Variants in TENT2 observed in about 807,000 individuals in gnomAD.
TENT2 encodes the protein poly(A) RNA polymerase GLD2.
A neutral mutation model predicts 72.2 loss-of-function variants in TENT2; 44 were observed. That is an observed-to-expected ratio of 0.61 (90% CI 0.48 to 0.78). The LOEUF (loss-of-function observed/expected upper bound fraction) is 0.78. Ranked by LOEUF, TENT2 falls within the 30% of genes least tolerant of loss-of-function variation. The pLI, the probability that TENT2 is intolerant of heterozygous loss-of-function variation, is 0.00. For missense variants in TENT2, 541 were observed against 569.6 expected, an observed-to-expected ratio of 0.95 and a Z score of 0.51; for synonymous variants, 212 against 192.5, an observed-to-expected ratio of 1.10 and a Z score of -0.84.
intron 12 of TENT2, among the ~76,000 whole-genome samples, chr5:79,673,894 A>G (rs556144365): frequency 6.6e-6 from 1 of 152,284 alleles, no homozygotes; most frequent in East Asian, 1.9e-4. Context: ...ATATAGATGG[A>G]AAAGAGAAAA....
At chr5:79,653,283 G>A (rs1164786670) in intron 10 of TENT2, among the ~76,000 whole-genome samples, 1 of 152,054 alleles carries the variant, frequency 6.6e-6, no homozygotes, top group South Asian at 2.1e-4. Flanking sequence ...CCAGGAGTTT[G>A]AGACCAGCCT....
intron 11 of TENT2, among the ~76,000 whole-genome samples, chr5:79,662,573 G>A (rs992893237): frequency 1.3e-5 from 2 of 152,110 alleles, no homozygotes; most frequent in African/African-American, 4.8e-5. Context: ...TAATCTCTTT[G>A]TACATCTCCA....
At chr5:79,657,114 T>C in intron 11 of TENT2, 113 bp downstream of exon 11, 1 of 640,740 alleles carries the variant, frequency 1.6e-6, no homozygotes. Context: ...CATGATAACA[T>C]TTTCTATATA....
intron 7 of TENT2, among the ~76,000 whole-genome samples, chr5:79,643,461 G>A (rs1056668782): frequency 1.3e-5 from 2 of 152,110 alleles, no homozygotes; most frequent in Admixed American, 1.3e-4. Flanking sequence ...CACATGTTAA[G>A]CCATCTCAAA....
chr5:79,680,990 T>G (rs553887319), intron 13 of TENT2, among the ~76,000 whole-genome samples: 16 of 152,010 alleles, frequency 1.1e-4, no homozygotes, highest in Non-Finnish European at 4.4e-5. Context: ...GAAAGGTGAG[T>G]GGGATGGTGG....
intron 10 of TENT2, among the ~76,000 whole-genome samples, chr5:79,652,080 T>G (rs980541276): frequency 5.9e-5 from 9 of 152,242 alleles, no homozygotes; most frequent in Admixed American, 5.9e-4. Flanking sequence ...GTTGTATATT[T>G]GTGTTCATGT....
At chr5:79,645,259 G>A in intron 8 of TENT2, 67 bp downstream of exon 8, 2 of 1,202,342 alleles carry the variant, frequency 1.7e-6, no homozygotes, top group Non-Finnish European at 1.2e-6. Flanking sequence ...ATCTGATAAA[G>A]ATAATTAAGA....
chr5:79,642,924 G>T lies in TENT2; in HGVS notation c.751+14G>T. The T allele has an allele frequency of 6.2e-7, 1 of 1,606,106 alleles. No homozygotes were observed. On this transcript the variant is annotated intron_variant, in intron 7 of 14. Coordinates refer to ENST00000453514, the MANE Select transcript of TENT2 (RefSeq NM_001114394.3). The stretch of plus-strand genomic sequence containing the variant: ...GTACTAGACTTTGTAAGTCTGACAT[G>T]CCTCAAGTTTGTATGTCACCTGACG...
intron 3 of TENT2, among the ~76,000 whole-genome samples, chr5:79,621,003 C>T (rs183496904): frequency 1.1e-3 from 172 of 151,736 alleles, no homozygotes; most frequent in Middle Eastern, 3.4e-3. Flanking sequence ...AAATAACATT[C>T]GGCAATATTT....
chr5:79,627,438 T>A (rs1441849432), intron 4 of TENT2, among the ~76,000 whole-genome samples: 2 of 152,200 alleles, frequency 1.3e-5, no homozygotes, highest in African/African-American at 4.8e-5. Flanking sequence ...ATATTTAGAA[T>A]TAGGGATTTA....
intron 4 of TENT2, among the ~76,000 whole-genome samples, chr5:79,637,503 T>G (rs1018087261): frequency 6.6e-6 from 1 of 152,150 alleles, no homozygotes; most frequent in Non-Finnish European, 1.5e-5. Flanking sequence ...CATGGCTCAC[T>G]GCAACCTCGA....
At chr5:79,646,517 A>G (rs1789155335) in intron 8 of TENT2, among the ~76,000 whole-genome samples, 1 of 152,212 alleles carries the variant, frequency 6.6e-6, no homozygotes, top group Admixed American at 6.5e-5. Context: ...ACAAACTTTA[A>G]TGCCTGGCTC....
intron 11 of TENT2, among the ~76,000 whole-genome samples, chr5:79,666,979 T>C (rs189474009): frequency 5.5e-4 from 84 of 152,254 alleles, no homozygotes; most frequent in African/African-American, 1.9e-3. Context: ...TCTCCCTCAA[T>C]AAGCATGACC....
At chr5:79,638,717 G>C (rs1174733390) in intron 4 of TENT2, among the ~76,000 whole-genome samples, 2 of 152,136 alleles carry the variant, frequency 1.3e-5, no homozygotes, top group African/African-American at 2.4e-5. Context: ...TCTTGCTGCT[G>C]TTGGTATTTG....
At chr5:79,621,182 G>A (rs541628804) in intron 3 of TENT2, among the ~76,000 whole-genome samples, 8 of 151,792 alleles carry the variant, frequency 5.3e-5, no homozygotes, top group African/African-American at 1.9e-4. Flanking sequence ...TACAACTAAC[G>A]GTTTGATTAA....
In TENT2 at chr5:79,685,243, A is replaced by G. The variant is rs1825679632; in HGVS notation, c.1425A>G (p.Leu475=). 6.2e-7 allele frequency: 1 copy of G among 1,604,374 alleles called. No individual in the cohort carries two copies. The highest frequency in any genetic ancestry group is 1.8e-5 in the Admixed American group (1 of 57,086). Residue 475 remains leucine, a synonymous_variant, in exon 15 of 15, where the codon CTA becomes CTG. Transcript: ENST00000453514. ...ACAAGAGAGATTTGAACAGTATACT[A>G]CCTGTAAGAGCTGCTGTCCTGAAAA... The part of the protein sequence containing the change: ...LKNKRDLNSI[L]PVRAAVLKR
chr5:79,619,547 G>C, intron 1 of TENT2, 65 bp from the exon 2 acceptor site: 1 of 1,182,218 alleles, frequency 8.5e-7, no homozygotes, highest in Non-Finnish European at 1.1e-6. Context: ...GTGGATAATA[G>C]TTATCAAAGT....
Position 79,682,007 on chromosome 5 carries a change from C to A in TENT2, c.1326C>A (p.Ala442=). The change falls in exon 14 of 15, where the codon GCC becomes GCA. Residue 442 remains alanine (A), a synonymous_variant. Coordinates refer to ENST00000453514, the MANE Select transcript of TENT2 (RefSeq NM_001114394.3). ...VEEPFDGTNT[A]RAVHEKQKFD... is the part of the protein sequence containing the mutation. Reference sequence around the variant, plus strand: ...AACCTTTTGATGGAACAAATACAGCCAGAGCAGTGCACGAAAAGCAGAAAT... The same window carrying A: ...AACCTTTTGATGGAACAAATACAGCAAGAGCAGTGCACGAAAAGCAGAAAT... 6.2e-7 allele frequency: 1 copy of A among 1,613,392 alleles called. No homozygotes were observed. Among genetic ancestry groups the A allele is most frequent in the Non-Finnish European group, 8.5e-7 (1 of 1,179,722 alleles).
At chr5:79,619,882 TGTC>T (rs1763358970) in intron 2 of TENT2, 97 bp downstream of exon 2, 2 of 1,497,148 alleles carry the variant, frequency 1.3e-6, no homozygotes, top group Admixed American at 2.2e-5. Flanking sequence ...ATGGAGAATA[TGTC>T]GTCACATTTT....
Sources: gnomAD v4.1 joint callset for allele counts (sites outside exome capture counted in the v4.1 genomes callset) on GRCh38, gnomAD v4.1.1 for gene constraint, MANE v1.5 for transcripts, NCBI Gene and HGNC (gene_info 2026-07-23, HGNC 2026-07-21) for gene names.